LCP2: variants seen among roughly 807,000 people sequenced by gnomAD.
LCP2 encodes 76 kDa tyrosine phosphoprotein.
In LCP2, 29 loss-of-function variants were observed where a neutral mutation model predicts 74.5. The ratio of observed to expected loss-of-function variants is 0.39; its 90% CI spans 0.29 to 0.53. LCP2 has a LOEUF of 0.53. Among genes scored for constraint, LCP2 ranks in the 20% least tolerant of loss-of-function variants. The pLI, the probability that LCP2 is intolerant of heterozygous loss-of-function variation, is 0.72. For missense variants in LCP2, 604 were observed against 634.6 expected, an observed-to-expected ratio of 0.95 and a Z score of 0.52; for synonymous variants, 228 against 229.5, an observed-to-expected ratio of 0.99 and a Z score of 0.06.
Position 170,248,633 on chromosome 5 carries a change from G to A in LCP2, c.*64C>T. The A allele has an allele frequency of 6.3e-6, 10 of 1,591,420 alleles. No homozygotes were observed. Among genetic ancestry groups the A allele is most frequent in the Non-Finnish European group, 8.6e-6 (10 of 1,163,174 alleles). ...TCCTAAGTGTTTGTCCATTGACCAA[G>A]GCTGATTGATCTCGTGTTGGCAACA... On this transcript the variant is annotated 3_prime_UTR_variant, in exon 21 of 21. Coordinates refer to ENST00000046794, the MANE Select transcript of LCP2 (RefSeq NM_005565.5).
chr5:170,251,612 G>T, intron 19 of LCP2: 1 of 455,976 alleles, frequency 2.2e-6, no homozygotes, highest in South Asian at 1.5e-5. Flanking sequence ...CCATGAGTTG[G>T]CAATAATGAC....
intron 10 of LCP2, 148 bp from the exon 11 acceptor site, chr5:170,263,140 A>C: frequency 1.1e-6 from 1 of 946,852 alleles, no homozygotes. Flanking sequence ...TCAGACTAGG[A>C]AGGGTCCGTT....
chr5:170,263,821 C>T (rs536029376), intron 10 of LCP2, among the ~76,000 whole-genome samples: 10 of 152,276 alleles, frequency 6.6e-5, no homozygotes, highest in Non-Finnish European at 1.3e-4. Flanking sequence ...GTTATCATCT[C>T]AAAATGAAGA....
intron 3 of LCP2, among the ~76,000 whole-genome samples, chr5:170,276,211 G>A (rs1173537274): frequency 6.6e-6 from 1 of 152,206 alleles, no homozygotes; most frequent in Non-Finnish European, 1.5e-5. Context: ...GGATACGATA[G>A]CTGTGTATTT....
intron 2 of LCP2, among the ~76,000 whole-genome samples, chr5:170,291,229 G>A (rs959750473): frequency 6.9e-4 from 104 of 151,254 alleles, no homozygotes; most frequent in African/African-American, 2.5e-3. Flanking sequence ...AAGGAAGAAA[G>A]GAAGGAAGGA....
At chr5:170,274,058 A>C (rs766458997) in intron 6 of LCP2, 1 of 550,662 alleles carries the variant, frequency 1.8e-6, no homozygotes, top group Non-Finnish European at 3.3e-6. Context: ...TTGTTTGCTC[A>C]TTGTCTGTGG....
chr5:170,273,041 T>A (rs1423327985), intron 6 of LCP2, among the ~76,000 whole-genome samples: 1 of 147,570 alleles, frequency 6.8e-6, no homozygotes. Context: ...ATAAACTCCT[T>A]AAAAAAAAAA....
chr5:170,260,962 C>A, intron 14 of LCP2, 145 bp downstream of exon 14: 1 of 658,790 alleles, frequency 1.5e-6, no homozygotes, highest in South Asian at 1.7e-5. Context: ...GACAGAGGCA[C>A]CAGCCCTTAA....
intron 9 of LCP2, 51 bp downstream of exon 9, chr5:170,266,958 A>G: frequency 7.2e-7 from 1 of 1,379,538 alleles, no homozygotes. Flanking sequence ...GGGCGGGGCT[A>G]GGGGAGTGCC....
At chr5:170,252,248 G>T in intron 19 of LCP2, 186 bp downstream of exon 19, 1 of 403,038 alleles carries the variant, frequency 2.5e-6, no homozygotes, top group Non-Finnish European at 4.5e-6. Flanking sequence ...AATGATTCCC[G>T]AGCCTAGGAA....
intron 2 of LCP2, among the ~76,000 whole-genome samples, chr5:170,292,959 C>T (rs767865363): frequency 2.0e-5 from 3 of 152,240 alleles, no homozygotes; most frequent in East Asian, 1.9e-4. Flanking sequence ...TTATTCCACT[C>T]ATGAGTATGT....
intron 7 of LCP2, among the ~76,000 whole-genome samples, chr5:170,268,693 C>G (rs1761822215): frequency 1.3e-5 from 2 of 150,898 alleles, no homozygotes; most frequent in African/African-American, 2.4e-5. Context: ...TCTCCTTATA[C>G]ACAGGCTCAG....
intron 15 of LCP2, 25 bp downstream of exon 15, chr5:170,258,841 T>C: frequency 6.4e-7 from 1 of 1,562,032 alleles, no homozygotes. Context: ...AGTTATAGGC[T>C]GTAAGAATGT....
chr5:170,258,521 A>G (rs1761600381), intron 15 of LCP2: 1 of 355,782 alleles, frequency 2.8e-6, no homozygotes, highest in Non-Finnish European at 5.1e-6. Context: ...TCAAAATTTT[A>G]TGCTATCTCA....
At chr5:170,267,141 C>G (rs1761777057) in intron 8 of LCP2, 66 bp from the exon 9 acceptor site, 10 of 1,500,526 alleles carry the variant, frequency 6.7e-6, no homozygotes, top group African/African-American at 1.4e-5. Context: ...ACTCCCAAAA[C>G]CTGTCTGGAT....
intron 10 of LCP2, among the ~76,000 whole-genome samples, chr5:170,264,376 T>C (rs1761711144): frequency 6.6e-6 from 1 of 152,268 alleles, no homozygotes; most frequent in Non-Finnish European, 1.5e-5. Flanking sequence ...TTTCTTTCCC[T>C]TCCTTCCACA....
chr5:170,279,735 G>A (rs1561975087), intron 3 of LCP2, among the ~76,000 whole-genome samples: 1 of 152,154 alleles, frequency 6.6e-6, no homozygotes, highest in Non-Finnish European at 1.5e-5. Context: ...AAAAAAGGAG[G>A]AGAAGGAAAG....
Position 170,248,792 on chromosome 5 carries a change from C to T in LCP2, c.1507G>A (p.Asp503Asn), listed in dbSNP as rs1333940718. ...EDFLSVSDII[D>N]YFRKMPLLLI... ...AGAAGTGGCATTTTCCTGAAGTAGT[C>T]AATAATATCTGACACAGACAGAAAG... Residue 503 changes from aspartate (D) to asparagine (N), a missense_variant, in exon 21 of 21, where the codon GAC becomes AAC. Coordinates refer to ENST00000046794, the MANE Select transcript of LCP2 (RefSeq NM_005565.5). 6.2e-7 allele frequency: 1 copy of T among 1,611,830 alleles called. No individual in the cohort carries two copies. Among genetic ancestry groups the T allele is most frequent in the Non-Finnish European group, 8.5e-7 (1 of 1,178,822 alleles).
chr5:170,254,441 T>C (rs181625017), intron 17 of LCP2, among the ~76,000 whole-genome samples: 26 of 152,316 alleles, frequency 1.7e-4, no homozygotes, highest in Non-Finnish European at 3.4e-4. Context: ...AGATTATTTA[T>C]GATGGTCCTT....
Sources: allele counts gnomAD v4.1 joint callset (sites outside exome capture counted in the v4.1 genomes callset), GRCh38; gene constraint gnomAD v4.1.1; transcripts MANE v1.5; gene names NCBI Gene and HGNC (gene_info 2026-07-23, HGNC 2026-07-21).